The following ASAP1 variants were observed in gnomAD, a reference collection of about 807,000 sequenced individuals.
ASAP1 encodes the protein ArfGAP with SH3 domain, ankyrin repeat and PH domain 1.
Under a neutral mutation model 145.2 loss-of-function variants are expected in ASAP1, and 43 were observed. The observed-to-expected ratio is 0.30, with a 90% CI of 0.23 to 0.38. The LOEUF (loss-of-function observed/expected upper bound fraction) is 0.38. Ranked by LOEUF, ASAP1 falls within the 10% of genes least tolerant of loss-of-function variation. The pLI is 1.00. For synonymous variants in ASAP1, 546 were observed against 515.5 expected, an observed-to-expected ratio of 1.06 and a Z score of -0.80; for missense variants, 1,018 against 1,355.3, an observed-to-expected ratio of 0.75 and a Z score of 3.91.
chr8:130,438,732 A>C (rs1197236527), intron 1 of ASAP1, among the ~76,000 whole-genome samples: 1 of 152,152 alleles, frequency 6.6e-6, no homozygotes, highest in Non-Finnish European at 1.5e-5. Flanking sequence ...ATAAATCCTC[A>C]ACTCCAACTC....
intron 5 of ASAP1, among the ~76,000 whole-genome samples, chr8:130,198,494 C>G (rs1336347957): frequency 6.6e-6 from 1 of 152,190 alleles, no homozygotes; most frequent in Non-Finnish European, 1.5e-5. Context: ...CCTGCCTCGT[C>G]TGCAAGGCAG....
chr8:130,144,048 G>C (rs1432630655), intron 13 of ASAP1, among the ~76,000 whole-genome samples: 1 of 152,222 alleles, frequency 6.6e-6, no homozygotes, highest in African/African-American at 2.4e-5. Context: ...TCCTATGCTA[G>C]TGTCTGAAAA....
intron 15 of ASAP1, among the ~76,000 whole-genome samples, chr8:130,134,035 G>A (rs2097588487): frequency 6.6e-6 from 1 of 152,206 alleles, no homozygotes; most frequent in Non-Finnish European, 1.5e-5. Context: ...AGAGGCCGCG[G>A]GCAAGGAGTA....
At chr8:130,171,273 T>C (rs1398592326) in intron 9 of ASAP1, among the ~76,000 whole-genome samples, 1 of 152,068 alleles carries the variant, frequency 6.6e-6, no homozygotes, top group Non-Finnish European at 1.5e-5. Flanking sequence ...TTCCCCTCTA[T>C]ACCTGTGTAG....
chr8:130,154,792 A>G (rs1247926440), intron 12 of ASAP1, among the ~76,000 whole-genome samples: 1 of 152,328 alleles, frequency 6.6e-6, no homozygotes, highest in Non-Finnish European at 1.5e-5. Flanking sequence ...AATTGAACAT[A>G]CTGTATTCAG....
chr8:130,178,363 A>G lies in ASAP1; in HGVS notation c.746+901T>C, dbSNP rs181926554. 1.6e-3 allele frequency among the ~76,000 whole-genome samples: 248 copies of G among 152,292 alleles called. 1 individual carries two copies. Among genetic ancestry groups the G allele is most frequent in the African/African-American group, 5.9e-3 (245 of 41,564 alleles). On this transcript the variant is annotated intron_variant, in intron 9 of 29. Coordinates refer to ENST00000518721, the MANE Select transcript of ASAP1 (RefSeq NM_018482.4). Reference sequence around the variant, plus strand: ...TGGCACATTTTCACACACAGACTCTACCAGAAAACCCATGAAAGTTAACCC... The same window carrying G: ...TGGCACATTTTCACACACAGACTCTGCCAGAAAACCCATGAAAGTTAACCC...
intron 1 of ASAP1, among the ~76,000 whole-genome samples, chr8:130,442,802 G>C (rs1410228456): frequency 6.6e-6 from 1 of 152,032 alleles, no homozygotes; most frequent in Non-Finnish European, 1.5e-5. Flanking sequence ...ACCGGACACC[G>C]GCAAGTTTCT....
chr8:130,092,266 G>T, intron 24 of ASAP1, 123 bp from the exon 25 acceptor site: 1 of 988,226 alleles, frequency 1.0e-6, no homozygotes, highest in Non-Finnish European at 1.4e-6. Context: ...AAAGCAAAAG[G>T]CTGGATATGG....
At chr8:130,324,956 G>T (rs918811736) in intron 3 of ASAP1, among the ~76,000 whole-genome samples, 1 of 152,158 alleles carries the variant, frequency 6.6e-6, no homozygotes, top group African/African-American at 2.4e-5. Context: ...CCAAGCAAAG[G>T]TGACTGAGAA....
At chr8:130,300,663 A>G (rs1035784005) in intron 3 of ASAP1, among the ~76,000 whole-genome samples, 2 of 152,260 alleles carry the variant, frequency 1.3e-5, no homozygotes, top group Admixed American at 1.3e-4. Context: ...AATGAAGTTG[A>G]AAGAACCTGA....
At chr8:130,243,658 T>C (rs1355901034) in intron 3 of ASAP1, among the ~76,000 whole-genome samples, 1 of 152,168 alleles carries the variant, frequency 6.6e-6, no homozygotes, top group Non-Finnish European at 1.5e-5. Flanking sequence ...GCTTTTAGAA[T>C]TGCTGACCTC....
intron 3 of ASAP1, among the ~76,000 whole-genome samples, chr8:130,315,262 A>G (rs1823597675): frequency 6.6e-6 from 1 of 152,134 alleles, no homozygotes; most frequent in South Asian, 2.1e-4. Context: ...AAACAAAACC[A>G]AAAAAAGTCT....
chr8:130,124,967 T>A (rs778149787), intron 17 of ASAP1, among the ~76,000 whole-genome samples: 1 of 152,142 alleles, frequency 6.6e-6, no homozygotes, highest in Non-Finnish European at 1.5e-5. Context: ...CATTCTAAAT[T>A]AGAAGGAATG....
At chr8:130,193,339 A>G (rs1276031962) in intron 5 of ASAP1, among the ~76,000 whole-genome samples, 5 of 151,996 alleles carry the variant, frequency 3.3e-5, no homozygotes. Flanking sequence ...ACTGCACTCC[A>G]GCCTGGGTGA....
intron 13 of ASAP1, among the ~76,000 whole-genome samples, chr8:130,146,026 T>G (rs2097629031): frequency 6.6e-6 from 1 of 150,906 alleles, no homozygotes; most frequent in African/African-American, 2.4e-5. Flanking sequence ...GTTTTTTTTT[T>G]TTTTTTTTAG....
intron 2 of ASAP1, among the ~76,000 whole-genome samples, chr8:130,371,360 C>A (rs1827205874): frequency 6.6e-6 from 1 of 152,222 alleles, no homozygotes; most frequent in Admixed American, 6.5e-5. Context: ...ACCGCACTCT[C>A]TGTACAAATG....
chr8:130,409,930 T>C (rs1829192725), intron 1 of ASAP1, among the ~76,000 whole-genome samples: 1 of 152,160 alleles, frequency 6.6e-6, no homozygotes, highest in African/African-American at 2.4e-5. Context: ...TCATTGCCCA[T>C]AGAGAGCTCA....
At chr8:130,131,642 T>G (rs1225058210) in intron 15 of ASAP1, among the ~76,000 whole-genome samples, 1 of 139,528 alleles carries the variant, frequency 7.2e-6, no homozygotes. Flanking sequence ...AAATGAAAAT[T>G]AGCTGGGCGT....
At chr8:130,442,771 G>A (rs937491791) in intron 1 of ASAP1, among the ~76,000 whole-genome samples, 3 of 152,052 alleles carry the variant, frequency 2.0e-5, no homozygotes, top group African/African-American at 7.2e-5. Flanking sequence ...GAACCTCTTG[G>A]GATGTATCAA....
Sources: gnomAD v4.1 joint callset for allele counts (sites outside exome capture counted in the v4.1 genomes callset) on GRCh38, gnomAD v4.1.1 for gene constraint, MANE v1.5 for transcripts, NCBI Gene and HGNC (gene_info 2026-07-23, HGNC 2026-07-21) for gene names.